CATSPERB: variants seen among roughly 807,000 people sequenced by gnomAD.
CATSPERB encodes cation channel sperm-associated auxiliary subunit beta.
Under a neutral mutation model 128.3 loss-of-function variants are expected in CATSPERB, and 93 were observed. The ratio of observed to expected loss-of-function variants is 0.72; its 90% CI spans 0.61 to 0.86. CATSPERB has a LOEUF of 0.86. Ranked by LOEUF, CATSPERB falls within the 40% of genes least tolerant of loss-of-function variation. The pLI is 0.00. For synonymous variants in CATSPERB, 381 were observed against 448.8 expected (o/e 0.85, Z 1.91); for missense variants, 1,153 against 1,329.5 (o/e 0.87, Z 2.06).
At chr14:91,602,375 A>G (rs946399630) in intron 22 of CATSPERB, among the ~76,000 whole-genome samples, 3 of 152,228 alleles carry the variant, frequency 2.0e-5, no homozygotes, top group African/African-American at 7.2e-5. Context: ...GCTGTATTAT[A>G]TCAACTTTCA....
At position 91,624,980 on chromosome 14, in the gene CATSPERB, C is replaced by T. The variant is rs1299271741; in HGVS notation, c.1770G>A (p.Lys590=). The T allele has an allele frequency of 6.3e-7, 1 of 1,592,048 alleles. No individual in the cohort carries two copies. ...SGKTGRAYIR[K]VLQHTTPKGF... ...CTTTAGGAGTCGTATGTTGCAATAC[C>T]TTTCTTATGTAAGCTCTTCCAGTTT... Residue 590 remains lysine, a synonymous_variant, in exon 18 of 27, where the codon AAG becomes AAA. Transcript: ENST00000256343.
At position 91,599,954 on chromosome 14, in the gene CATSPERB, G is replaced by A. The variant is rs529632467; in HGVS notation, c.2710-7952C>T. ...GTTCCCAGCTTGAATTTTCCTTAGT[G>A]ATATTGGGGGCCCAAGATATTTTCC... On this transcript the variant is annotated intron_variant, in intron 22 of 26. Coordinates refer to ENST00000256343, the MANE Select transcript of CATSPERB (RefSeq NM_024764.4). Among the ~76,000 whole-genome samples, 8 of 152,316 alleles carry A rather than the reference G, an allele frequency of 5.3e-5. No homozygotes were observed. The East Asian group carries it at 1.3e-3, about 26-fold the overall frequency.
intron 15 of CATSPERB, among the ~76,000 whole-genome samples, chr14:91,645,951 G>A (rs1037228763): frequency 6.7e-6 from 1 of 148,720 alleles, no homozygotes; most frequent in Admixed American, 6.7e-5. Context: ...GCAATATTCG[G>A]GTGGGAGTGA....
intron 7 of CATSPERB, among the ~76,000 whole-genome samples, chr14:91,703,982 AG>A (rs1287137696): frequency 6.6e-6 from 1 of 152,002 alleles, no homozygotes; most frequent in African/African-American, 2.4e-5. Context: ...TTGGCTGGAG[AG>A]GGGGGTCTGT....
At chr14:91,628,784 T>C (rs1894216472) in intron 17 of CATSPERB, among the ~76,000 whole-genome samples, 1 of 152,220 alleles carries the variant, frequency 6.6e-6, no homozygotes, top group Non-Finnish European at 1.5e-5. Context: ...AACAGACTAC[T>C]GCATATGTCA....
chr14:91,596,029 C>T (rs899527089), intron 22 of CATSPERB, among the ~76,000 whole-genome samples: 5 of 152,082 alleles, frequency 3.3e-5, no homozygotes, highest in African/African-American at 7.2e-5. Flanking sequence ...AGATTACTTC[C>T]GTTTTCTATT....
At chr14:91,612,737 G>GT (rs1217954824) in intron 20 of CATSPERB, among the ~76,000 whole-genome samples, 19 of 152,094 alleles carry the variant, frequency 1.2e-4, no homozygotes, top group Admixed American at 1.2e-3. Flanking sequence ...TAAGAATAAC[G>GT]TATTTTTATT....
intron 22 of CATSPERB, among the ~76,000 whole-genome samples, chr14:91,596,083 G>C (rs1296218813): frequency 1.3e-5 from 2 of 152,084 alleles, no homozygotes; most frequent in African/African-American, 4.8e-5. Flanking sequence ...TGATAGTCAT[G>C]AACATTTCAG....
chr14:91,631,948 G>C (rs1894285410), intron 17 of CATSPERB, among the ~76,000 whole-genome samples: 1 of 151,754 alleles, frequency 6.6e-6, no homozygotes, highest in Non-Finnish European at 1.5e-5. Flanking sequence ...ATAAAACAGG[G>C]TGTAAAAGTC....
intron 15 of CATSPERB, among the ~76,000 whole-genome samples, chr14:91,649,331 A>ATGTGTGTG (rs55880138): frequency 6.8e-6 from 1 of 147,332 alleles, no homozygotes; most frequent in African/African-American, 2.5e-5. Flanking sequence ...GTATACATAT[A>ATGTGTGTG]TGTGTGTGTG....
chr14:91,608,249 C>CAT, intron 22 of CATSPERB, 45 bp downstream of exon 22: 1 of 1,186,032 alleles, frequency 8.4e-7, no homozygotes. Context: ...GAATGATTTC[C>CAT]TGAATTCAAA....
At chr14:91,705,397 C>A (rs1208320081) in intron 6 of CATSPERB, among the ~76,000 whole-genome samples, 2 of 152,144 alleles carry the variant, frequency 1.3e-5, no homozygotes, top group East Asian at 3.8e-4. Context: ...CATTAGGGGC[C>A]AAGAGACTTA....
chr14:91,657,720 C>T (rs1464792858), intron 15 of CATSPERB, among the ~76,000 whole-genome samples: 1 of 152,128 alleles, frequency 6.6e-6, no homozygotes, highest in Non-Finnish European at 1.5e-5. Flanking sequence ...TCTGAATAGA[C>T]ATTTCTCAAA....
intron 20 of CATSPERB, among the ~76,000 whole-genome samples, chr14:91,611,751 C>T (rs1893832066): frequency 6.6e-6 from 1 of 152,144 alleles, no homozygotes; most frequent in African/African-American, 2.4e-5. Flanking sequence ...GCTGCTTTTA[C>T]CACATTAGGG....
At chr14:91,630,279 C>T (rs536031121) in intron 17 of CATSPERB, among the ~76,000 whole-genome samples, 10 of 152,252 alleles carry the variant, frequency 6.6e-5, no homozygotes, top group South Asian at 6.2e-4. Context: ...CTTCTTAGCC[C>T]AGGCTCTCTT....
At chr14:91,690,256 G>C (rs927080596) in intron 10 of CATSPERB, among the ~76,000 whole-genome samples, 1 of 152,210 alleles carries the variant, frequency 6.6e-6, no homozygotes, top group Non-Finnish European at 1.5e-5. Flanking sequence ...GCCTCCCAAA[G>C]TGCTGGGGTT....
intron 15 of CATSPERB, chr14:91,646,237 AT>A (rs1230263190): frequency 6.4e-6 from 1 of 155,974 alleles, no homozygotes; most frequent in Non-Finnish European, 1.4e-5. Flanking sequence ...CCTCCCCTCA[AT>A]GTCATTCTTA....
At chr14:91,600,289 A>G (rs1190785105) in intron 22 of CATSPERB, among the ~76,000 whole-genome samples, 1 of 152,246 alleles carries the variant, frequency 6.6e-6, no homozygotes, top group Non-Finnish European at 1.5e-5. Flanking sequence ...TCATTAAAAA[A>G]GCAATTATTA....
chr14:91,618,149 G>A (rs1893980337), intron 19 of CATSPERB, among the ~76,000 whole-genome samples: 2 of 152,300 alleles, frequency 1.3e-5, no homozygotes, highest in African/African-American at 4.8e-5. Context: ...GTAACTTCCT[G>A]ATGTTGCCAT....
Sources: gnomAD v4.1 joint callset for allele counts (sites outside exome capture counted in the v4.1 genomes callset) on GRCh38, gnomAD v4.1.1 for gene constraint, MANE v1.5 for transcripts, NCBI Gene and HGNC (gene_info 2026-07-23, HGNC 2026-07-21) for gene names.